The following ROBO2 variants were observed in gnomAD, a reference collection of about 807,000 sequenced individuals.
The protein encoded by ROBO2 is roundabout homolog 2.
A neutral mutation model predicts 160.8 loss-of-function variants in ROBO2; 53 were observed. The observed-to-expected ratio is 0.33, with a 90% CI of 0.26 to 0.41. The LOEUF is 0.41. Ranked by LOEUF, ROBO2 falls within the 10% of genes least tolerant of loss-of-function variation. ROBO2 has a pLI of 1.00. For missense variants in ROBO2, 1,577 were observed against 1,722.4 expected (o/e 0.92, Z 1.49); for synonymous variants, 664 against 611.7 (o/e 1.09, Z -1.26).
At chr3:77,296,556 C>A (rs1029910763) in intron 2 of ROBO2, among the ~76,000 whole-genome samples, 1 of 152,026 alleles carries the variant, frequency 6.6e-6, no homozygotes, top group Non-Finnish European at 1.5e-5. Flanking sequence ...TACTGATACC[C>A]GAGTCCCATG....
intron 2 of ROBO2, among the ~76,000 whole-genome samples, chr3:77,188,271 T>C (rs779706109): frequency 4.0e-4 from 60 of 151,874 alleles, no homozygotes; most frequent in Non-Finnish European, 6.8e-4. Context: ...GAAAAATTAA[T>C]GTATAGGATA....
At chr3:76,555,400 A>G (rs1560141139) in intron 2 of ROBO2, among the ~76,000 whole-genome samples, 42 of 71,714 alleles carry the variant, frequency 5.9e-4, no homozygotes, top group African/African-American at 1.2e-3. Flanking sequence ...GAAGAAGAAG[A>G]AGAAGAAGAA....
chr3:76,896,099 C>G (rs1209236431), intron 2 of ROBO2, among the ~76,000 whole-genome samples: 2 of 152,152 alleles, frequency 1.3e-5, no homozygotes, highest in Non-Finnish European at 2.9e-5. Flanking sequence ...TCCTCCGCCT[C>G]TGGCAGAAAG....
rs6774791 is a variant in ROBO2, at chr3:77,124,352, G to A, written c.388+26012G>A. ...ACGGTGAAAGTAGACATTTCAAGCC[G>A]GGAAAGAGTAGCGTTTTTGGACTGT... is the stretch of plus-strand genomic sequence containing the variant. On this transcript the variant is annotated intron_variant, in intron 2 of 25. Transcript: ENST00000461745. Among the ~76,000 whole-genome samples the A allele has an allele frequency of 3.7e-3, 557 of 152,190 alleles. 3 individuals carry two copies. The highest frequency in any genetic ancestry group is 0.013 in the African/African-American group (537 of 41,516).
intron 2 of ROBO2, among the ~76,000 whole-genome samples, chr3:75,952,972 A>T (rs995690313): frequency 2.6e-5 from 4 of 151,952 alleles, no homozygotes; most frequent in Admixed American, 2.6e-4. Context: ...GTGGCTTGAC[A>T]GAATAATATT....
At chr3:76,387,482 T>G (rs920918738) in intron 2 of ROBO2, among the ~76,000 whole-genome samples, 1 of 152,172 alleles carries the variant, frequency 6.6e-6, no homozygotes, top group Non-Finnish European at 1.5e-5. Flanking sequence ...ATTTTTACTG[T>G]TTAATCTGCT....
In ROBO2 at chr3:76,724,218, A is replaced by G. The variant is rs370054287; in HGVS notation, c.110-373796A>G. On this transcript the variant is annotated intron_variant, in intron 2 of 26. Transcript: ENST00000487694. ...CCATCCAGCCCAAATCCCAATATCCAACACTGCAGTAGCTCCTGACCAGCC... is the reference window on the plus strand; with the variant it reads ...CCATCCAGCCCAAATCCCAATATCCGACACTGCAGTAGCTCCTGACCAGCC... Among the ~76,000 whole-genome samples, 34 of 152,214 alleles carry G rather than the reference A, an allele frequency of 2.2e-4. No homozygotes were observed. The South Asian group carries it at 6.6e-3, about 30-fold the overall frequency.
intron 2 of ROBO2, among the ~76,000 whole-genome samples, chr3:77,200,280 T>C (rs2082739081): frequency 5.3e-5 from 2 of 37,898 alleles, no homozygotes; most frequent in African/African-American, 3.0e-4. Flanking sequence ...TATATATATA[T>C]ATATATATAT....
intron 1 of ROBO2, among the ~76,000 whole-genome samples, chr3:77,088,910 C>T (rs780644163): frequency 2.0e-5 from 3 of 152,110 alleles, no homozygotes; most frequent in Non-Finnish European, 2.9e-5. Context: ...TAAATTGCTA[C>T]TCATTATGCT....
At chr3:77,125,148 A>G (rs2075194113) in intron 2 of ROBO2, among the ~76,000 whole-genome samples, 1 of 152,130 alleles carries the variant, frequency 6.6e-6, no homozygotes, top group Admixed American at 6.6e-5. Flanking sequence ...TTTCTTTGCT[A>G]TGAAACCTGG....
At chr3:77,560,773 T>G (rs1179364932) in intron 9 of ROBO2, among the ~76,000 whole-genome samples, 1 of 152,190 alleles carries the variant, frequency 6.6e-6, no homozygotes, top group Non-Finnish European at 1.5e-5. Context: ...GAGATGCAGT[T>G]AAGAAGCATT....
chr3:76,045,891 TTTTA>T (rs921947771), intron 2 of ROBO2, among the ~76,000 whole-genome samples: 4 of 151,968 alleles, frequency 2.6e-5, no homozygotes, highest in Non-Finnish European at 5.9e-5. Flanking sequence ...TATTTTTATT[TTTTA>T]TTTATTTATT....
rs2075365577 is a variant in ROBO2, at chr3:76,903,381, C to G, written c.110-194633C>G. ...CCCCTCAATTATACAGTTTTCCACTCTCTCTTCAGTGGCTGTATTCTGCTG... is the reference window on the plus strand; with the variant it reads ...CCCCTCAATTATACAGTTTTCCACTGTCTCTTCAGTGGCTGTATTCTGCTG... On this transcript the variant is annotated intron_variant, in intron 2 of 26. Coordinates refer to the ROBO2 transcript ENST00000487694. Among the ~76,000 whole-genome samples, 3 of 152,102 alleles carry G rather than the reference C, an allele frequency of 2.0e-5. No individual in the cohort carries two copies. In the South Asian group the frequency reaches 6.2e-4, roughly 32 times the overall value.
chr3:77,335,159 C>A (rs1398900136), intron 2 of ROBO2, among the ~76,000 whole-genome samples: 1 of 152,060 alleles, frequency 6.6e-6, no homozygotes, highest in Non-Finnish European at 1.5e-5. Flanking sequence ...GGTGGCTCAC[C>A]CCTGTAATCC....
At chr3:76,803,696 G>A (rs931280151) in intron 2 of ROBO2, among the ~76,000 whole-genome samples, 1 of 151,986 alleles carries the variant, frequency 6.6e-6, no homozygotes, top group African/African-American at 2.4e-5. Flanking sequence ...ATATATTTAT[G>A]CAAGACCAGG....
rs548567599 is a variant in ROBO2, at chr3:76,834,069, T to C, written c.110-263945T>C. 8.6e-5 allele frequency among the ~76,000 whole-genome samples: 10 copies of C among 116,658 alleles called. 1 individual carries two copies. Among genetic ancestry groups the C allele is most frequent in the Non-Finnish European group, 1.5e-4 (8 of 53,220 alleles). 76.5% of individuals were successfully genotyped at this position (116,658 alleles called of 152,430 possible). ...CTTTCTCTCCTTTCTTTCTTTTCTT[T>C]CTTTCTTTCTTTCTTTCTTTCTTTC... On this transcript the variant is annotated intron_variant, in intron 2 of 26. Transcript: ENST00000487694.
chr3:76,029,800 A>T (rs991974810), intron 2 of ROBO2, among the ~76,000 whole-genome samples: 1 of 152,150 alleles, frequency 6.6e-6, no homozygotes, highest in Non-Finnish European at 1.5e-5. Context: ...AGTCTTTGCT[A>T]TTGTGAACAG....
At chr3:77,343,077 AGAGAGAG>A (rs2067241278) in intron 2 of ROBO2, among the ~76,000 whole-genome samples, 2 of 127,644 alleles carry the variant, frequency 1.6e-5, no homozygotes, top group African/African-American at 5.4e-5. Context: ...AGAGAGAGAG[AGAGAGAG>A]AGAACTTTCT....
At chr3:76,675,777 G>A (rs1001340532) in intron 2 of ROBO2, among the ~76,000 whole-genome samples, 3 of 152,084 alleles carry the variant, frequency 2.0e-5, no homozygotes, top group Non-Finnish European at 2.9e-5. Flanking sequence ...ATTTAAACAC[G>A]TTAAGAGGAT....
Sources: allele counts gnomAD v4.1 joint callset (sites outside exome capture counted in the v4.1 genomes callset), GRCh38; gene constraint gnomAD v4.1.1; transcripts MANE v1.5; gene names NCBI Gene and HGNC (gene_info 2026-07-23, HGNC 2026-07-21).